Variants in ABCB1 observed in about 807,000 individuals in gnomAD.
The protein encoded by ABCB1 is ATP binding cassette subfamily B member 1, also known as ATP-dependent translocase ABCB1.
In ABCB1, 69 loss-of-function variants were observed where a neutral mutation model predicts 142.0. The observed-to-expected ratio is 0.49, with a 90% confidence interval of 0.40 to 0.59. The LOEUF is 0.59. Ranked by LOEUF, ABCB1 falls within the 20% of genes least tolerant of loss-of-function variation. The pLI, the probability that ABCB1 is intolerant of heterozygous loss-of-function variation, is 0.00. For synonymous variants in ABCB1, 532 were observed against 539.2 expected (o/e 0.99, Z 0.18); for missense variants, 1,326 against 1,554.7 (o/e 0.85, Z 2.47).
intron 1 of ABCB1, among the ~76,000 whole-genome samples, chr7:87,677,085 A>G (rs1430413996): frequency 6.6e-6 from 1 of 152,190 alleles, no homozygotes; most frequent in Non-Finnish European, 1.5e-5. Flanking sequence ...TCAAAAAATT[A>G]CAAGTAGAAC....
At position 87,590,633 on chromosome 7, in the gene ABCB1, C is replaced by T. The variant is rs528559952; in HGVS notation, c.118-4953G>A. On this transcript the variant is annotated intron_variant, in intron 3 of 27. Transcript: ENST00000622132. ...GCAAAGGTACTTAGGTAAAAACCAG[C>T]TTGCTGTATCCCAAGGACCAAAGAG... Among the ~76,000 whole-genome samples the T allele has an allele frequency of 2.6e-5, 4 of 152,318 alleles. No individual in the cohort carries two copies. The East Asian group carries it at 7.7e-4, about 29-fold the overall frequency.
intron 11 of ABCB1, 27 bp downstream of exon 11, chr7:87,550,441 T>G (rs1563047989): frequency 3.1e-6 from 5 of 1,605,608 alleles, no homozygotes; most frequent in Non-Finnish European, 4.3e-6. Flanking sequence ...AATAGATTAA[T>G]TGTTGATTAA....
At chr7:87,681,953 C>A (rs770756050) in intron 1 of ABCB1, among the ~76,000 whole-genome samples, 1 of 152,206 alleles carries the variant, frequency 6.6e-6, no homozygotes, top group African/African-American at 2.4e-5. Context: ...CACAGTAGAA[C>A]TTCTTTCAAA....
rs565370133 is a variant in ABCB1 at position 87,653,103 on chromosome 7, A to G, written c.-330-52025T>C. 9.2e-5 allele frequency among the ~76,000 whole-genome samples: 14 copies of G among 152,126 alleles called. No homozygotes were observed. In the South Asian group the frequency reaches 2.9e-3, roughly 32 times the overall value. ...GAGGCTTTTAAAATCAGATATATTA[A>G]TATTATTTGCAGTAATCTCTCAATA... On this transcript the variant is annotated intron_variant, in intron 1 of 28. Coordinates refer to the ABCB1 transcript ENST00000265724.
intron 10 of ABCB1, 67 bp from the exon 11 acceptor site, chr7:87,550,645 G>T: frequency 4.4e-6 from 7 of 1,574,354 alleles, no homozygotes; most frequent in Non-Finnish European, 6.1e-6. Flanking sequence ...ATTTTGTGGA[G>T]AGCTGGATAA....
intron 4 of ABCB1, among the ~76,000 whole-genome samples, chr7:87,576,273 T>A (rs1818271803): frequency 6.6e-6 from 1 of 151,724 alleles, no homozygotes; most frequent in South Asian, 2.1e-4. Context: ...ATTATTATGG[T>A]CTTAGAAAAC....
intron 1 of ABCB1, among the ~76,000 whole-genome samples, chr7:87,613,257 C>CTTTTTTTTTTTTTTTTTTTTTTTTT (rs67823385): frequency 1.6e-5 from 1 of 64,208 alleles, no homozygotes; most frequent in Non-Finnish European, 2.8e-5. Flanking sequence ...TCCTTTATTT[C>CTTTTTTTTTTTTTTTTTTTTTTTTT]TTTTTTTTTT....
At chr7:87,522,381 G>C (rs1417649140) in intron 21 of ABCB1, 3 of 708,588 alleles carry the variant, frequency 4.2e-6, no homozygotes, top group Non-Finnish European at 7.9e-6. Context: ...AGTTCCAGTA[G>C]CAGCAGTAGC....
At chr7:87,558,036 G>A (rs902020697) in intron 8 of ABCB1, among the ~76,000 whole-genome samples, 5 of 152,104 alleles carry the variant, frequency 3.3e-5, no homozygotes, top group African/African-American at 1.2e-4. Flanking sequence ...CACCAACCAG[G>A]TGAAGGAAGG....
chr7:87,579,584 A>G (rs1240218974), intron 4 of ABCB1, among the ~76,000 whole-genome samples: 1 of 152,072 alleles, frequency 6.6e-6, no homozygotes, highest in Non-Finnish European at 1.5e-5. Flanking sequence ...TAATATTTTA[A>G]TGTGTTTTTT....
chr7:87,610,232 C>CTTTTTTTTTT (rs914468581), intron 1 of ABCB1, among the ~76,000 whole-genome samples: 34 of 117,024 alleles, frequency 2.9e-4, no homozygotes, highest in Non-Finnish European at 4.5e-4. Flanking sequence ...CTTTTTCTTT[C>CTTTTTTTTTT]TTTTTTTTTT....
chr7:87,612,712 T>C (rs529818367), intron 1 of ABCB1, among the ~76,000 whole-genome samples: 1 of 152,334 alleles, frequency 6.6e-6, no homozygotes, highest in East Asian at 1.9e-4. Flanking sequence ...CCAGATTTGT[T>C]CTTTTTACTT....
intron 9 of ABCB1, among the ~76,000 whole-genome samples, chr7:87,553,166 C>T (rs1006751427): frequency 9.9e-5 from 15 of 152,010 alleles, no homozygotes; most frequent in African/African-American, 3.6e-4. Flanking sequence ...AAGTTTGGCA[C>T]AAATAATCTC....
intron 6 of ABCB1, among the ~76,000 whole-genome samples, chr7:87,566,448 C>T (rs1433210449): frequency 1.3e-5 from 2 of 152,148 alleles, no homozygotes; most frequent in Non-Finnish European, 1.5e-5. Flanking sequence ...AAATGGACAT[C>T]GTGTACACAA....
chr7:87,615,640 G>C (rs531770061), intron 1 of ABCB1, among the ~76,000 whole-genome samples: 1 of 152,298 alleles, frequency 6.6e-6, no homozygotes, highest in Non-Finnish European at 1.5e-5. Flanking sequence ...AAAGTGCTTA[G>C]ACTCTGGATA....
At chr7:87,540,698 C>T (rs1038787509) in intron 18 of ABCB1, among the ~76,000 whole-genome samples, 1 of 152,196 alleles carries the variant, frequency 6.6e-6, no homozygotes, top group Admixed American at 6.5e-5. Flanking sequence ...GATCCACTCA[C>T]CTCGGCCTCC....
chr7:87,706,436 A>G (rs531394200), intron 1 of ABCB1, among the ~76,000 whole-genome samples: 13 of 152,312 alleles, frequency 8.5e-5, no homozygotes, highest in African/African-American at 2.6e-4. Context: ...GTCGATCCCA[A>G]AGGTAAGAAA....
intron 8 of ABCB1, among the ~76,000 whole-genome samples, chr7:87,554,526 A>T (rs558809698): frequency 1.3e-5 from 2 of 152,378 alleles, no homozygotes; most frequent in East Asian, 3.9e-4. Flanking sequence ...TGTACAATTT[A>T]TCTTACTTCC....
chr7:87,634,030 C>T (rs1368042468), intron 1 of ABCB1, among the ~76,000 whole-genome samples: 1 of 152,124 alleles, frequency 6.6e-6, no homozygotes, highest in Non-Finnish European at 1.5e-5. Context: ...AAAGGGGAAG[C>T]AGGCAGGTGT....
Sources: allele counts gnomAD v4.1 joint callset (sites outside exome capture counted in the v4.1 genomes callset), GRCh38; gene constraint gnomAD v4.1.1; transcripts MANE v1.5; gene names NCBI Gene and HGNC (gene_info 2026-07-23, HGNC 2026-07-21).